CDCA5: variants seen among roughly 807,000 people sequenced by gnomAD.
CDCA5 encodes sororin.
A neutral mutation model predicts 25.7 loss-of-function variants in CDCA5; 14 were observed. That is an observed-to-expected ratio of 0.54 (90% CI 0.36 to 0.85). The LOEUF (loss-of-function observed/expected upper bound fraction) is 0.85, where lower values mean the gene tolerates loss of function less well. Ranked by LOEUF, CDCA5 falls within the 40% of genes least tolerant of loss-of-function variation. The pLI, the probability that CDCA5 is intolerant of heterozygous loss-of-function variation, is 0.01. For synonymous variants in CDCA5, 127 were observed against 128.7 expected (o/e 0.99, Z 0.09); for missense variants, 307 against 324.5 (o/e 0.95, Z 0.41).
downstream of CDCA5, among the ~76,000 whole-genome samples, chr11:65,066,032 C>T (rs1273645242): frequency 6.6e-6 from 1 of 152,152 alleles, no homozygotes; most frequent in Non-Finnish European, 1.5e-5. Flanking sequence ...GGGACTGCGG[C>T]CCCTTTCTGG....
Position 65,078,748 on chromosome 11 carries a change from A to G in CDCA5, c.*359T>C. ...CCAAGCAGCCACCCCTCCCAACAAG[A>G]GCAGAGGTGCCTCTCACCTCAACCC... On this transcript the variant is annotated 3_prime_UTR_variant, in exon 6 of 6. Transcript: ENST00000275517. The G allele has an allele frequency of 9.6e-7, 1 of 1,038,798 alleles. No individual in the cohort carries two copies. The highest frequency in any genetic ancestry group is 1.2e-6 in the Non-Finnish European group (1 of 865,336). The allele number at this position is 1,038,798 out of a possible 1,614,324, so 64.3% of individuals were successfully genotyped here. A position where few individuals can be genotyped will look rare whatever the true frequency, so the allele number is the denominator to read the frequency against.
chr11:65,077,358 G>T, downstream of CDCA5: 1 of 556,370 alleles, frequency 1.8e-6, no homozygotes, highest in Non-Finnish European at 2.3e-6. Flanking sequence ...GGCTGGGAGC[G>T]CCTGGACAAA....
chr11:65,078,439 C>T lies in CDCA5; in HGVS notation c.*668G>A, dbSNP rs1283339019. The T allele has an allele frequency of 3.0e-6, 3 of 985,538 alleles. No homozygotes were observed. The highest frequency in any genetic ancestry group is 1.2e-4 in the Admixed American group (2 of 16,264). The allele number at this position is 985,538 out of a possible 1,614,324, so 61.0% of individuals were successfully genotyped here. On this transcript the variant is annotated 3_prime_UTR_variant, in exon 6 of 6. Coordinates refer to ENST00000275517, the MANE Select transcript of CDCA5 (RefSeq NM_080668.4). ...CAAACATCTCAACAGCAGACCAGAA[C>T]TAGAAAACACAGCTTCTGTGTAGTA...
At chr11:65,064,975 C>T (rs554737332), downstream of CDCA5, among the ~76,000 whole-genome samples, 146 of 152,296 alleles carry the variant, frequency 9.6e-4, 1 homozygote, top group African/African-American at 3.3e-3. Flanking sequence ...TTACTTTGCC[C>T]AGGCCTGATC....
chr11:65,072,925 G>A (rs1343123304), downstream of CDCA5, among the ~76,000 whole-genome samples: 5 of 139,876 alleles, frequency 3.6e-5, no homozygotes, highest in South Asian at 9.4e-4. Flanking sequence ...TGCTTTACTT[G>A]TATTATTTCA....
At chr11:65,080,477 G>C (rs560034439) in intron 4 of CDCA5, among the ~76,000 whole-genome samples, 1 of 152,040 alleles carries the variant, frequency 6.6e-6, no homozygotes, top group Non-Finnish European at 1.5e-5. Context: ...GCAGTGGCAC[G>C]ATCATGGCTC....
downstream of CDCA5, among the ~76,000 whole-genome samples, chr11:65,076,553 C>T (rs924083209): frequency 6.6e-6 from 1 of 152,176 alleles, no homozygotes; most frequent in Non-Finnish European, 1.5e-5. Flanking sequence ...GACCCATCTC[C>T]TCTGGGTGGG....
chr11:65,064,787 G>A (rs1947217416), downstream of CDCA5, among the ~76,000 whole-genome samples: 1 of 152,180 alleles, frequency 6.6e-6, no homozygotes, highest in Non-Finnish European at 1.5e-5. Flanking sequence ...TTGGCAGGCT[G>A]AGGCGGGAGG....
In CDCA5 at chr11:65,079,606, A is replaced by C; in HGVS notation, c.425T>G (p.Val142Gly). The C allele has an allele frequency of 1.9e-6, 3 of 1,611,270 alleles. No individual in the cohort carries two copies. Among genetic ancestry groups the C allele is most frequent in the Non-Finnish European group, 2.5e-6 (3 of 1,178,230 alleles). Residue 142 changes from valine (V) to glycine (G), a missense_variant, in exon 5 of 6, where the codon GTC becomes GGC. Coordinates refer to ENST00000275517, the MANE Select transcript of CDCA5 (RefSeq NM_080668.4). ...CTCCAGCCGGCTGTAGGAACGCCTG[A>C]CTTTCTTAGACATTTCCAAGTCTCT... ...DARDLEMSKK[V>G]RRSYSRLETL... is the part of the protein sequence containing the mutation.
intron 4 of CDCA5, among the ~76,000 whole-genome samples, chr11:65,081,154 G>A (rs1342093469): frequency 1.3e-5 from 2 of 152,202 alleles, no homozygotes; most frequent in African/African-American, 4.8e-5. Context: ...GCCAGATATG[G>A]TGGTTCACAC....
At chr11:65,069,939 G>A (rs1367071230) in intron 1 of CDCA5, among the ~76,000 whole-genome samples, 1 of 152,258 alleles carries the variant, frequency 6.6e-6, no homozygotes, top group African/African-American at 2.4e-5. Context: ...TGACCACAGT[G>A]CGGGGGGATG....
exon 5 of CDCA5, chr11:65,066,826 T>A (rs1947247683): frequency 7.8e-7 from 1 of 1,289,356 alleles, no homozygotes; most frequent in Non-Finnish European, 1.0e-6. Context: ...GTTCTGCAGC[T>A]TCTCCCCCAG....
In CDCA5 at chr11:65,079,194, G is replaced by C; in HGVS notation, c.679-7C>G. On this transcript the variant is annotated splice_region_variant and splice_polypyrimidine_tract_variant and intron_variant, in intron 5 of 5. Coordinates refer to ENST00000275517, the MANE Select transcript of CDCA5 (RefSeq NM_080668.4). ...ACTCATCCAGCTCCGTTTTCTGAGG[G>C]AAGAGAAATGAGGAGCAGGTGAGTG... 6.5e-7 allele frequency: 1 copy of C among 1,526,738 alleles called. No individual in the cohort carries two copies. Among genetic ancestry groups the C allele is most frequent in the Non-Finnish European group, 8.8e-7 (1 of 1,137,970 alleles). The allele number at this position is 1,526,738 out of a possible 1,614,324, so 94.6% of individuals were successfully genotyped here. A position where few individuals can be genotyped will look rare whatever the true frequency, so the allele number is the denominator to read the frequency against.
rs1238860244 is a variant in CDCA5 at position 65,083,487 on chromosome 11, C to A, written c.205G>T (p.Glu69Ter). Reference sequence around the variant, plus strand: ...ACAACACTCTCCTTAGCCTTTACCTCTACAGCATGGGCCACGATCCTCTTT... The same window carrying A: ...ACAACACTCTCCTTAGCCTTTACCTATACAGCATGGGCCACGATCCTCTTT... ...VLKRIVAHAV[E>*]VPAVQSPRRS... The change falls in exon 3 of 6, where the codon GAG (glutamate) becomes TAG (stop). Residue 69 changes from glutamate (E) to a stop codon, truncating the protein, a stop_gained and splice_region_variant. Coordinates refer to ENST00000275517, the MANE Select transcript of CDCA5 (RefSeq NM_080668.4). LOFTEE classifies it high-confidence loss of function. 2 of 1,614,222 alleles carry A rather than the reference C, an allele frequency of 1.2e-6. No individual in the cohort carries two copies. The highest frequency in any genetic ancestry group is 2.2e-5 in the East Asian group (1 of 44,888).
rs925120936 is a variant in CDCA5 at position 65,077,642 on chromosome 11, G to A, written c.*1465C>T. The A allele has an allele frequency of 8.1e-6, 8 of 985,502 alleles. No individual in the cohort carries two copies. The African/African-American group carries it at 1.4e-4, about 17-fold the overall frequency. 61.0% of individuals were successfully genotyped at this position (985,502 alleles called of 1,614,324 possible). Reference sequence around the variant, plus strand: ...GAGTTCTGCTGCATCAGCCAGTGAGGACAAGAGTTCTTCAGTGCGGTTCAG... The same window carrying A: ...GAGTTCTGCTGCATCAGCCAGTGAGAACAAGAGTTCTTCAGTGCGGTTCAG... On this transcript the variant is annotated 3_prime_UTR_variant, in exon 6 of 6. Coordinates refer to ENST00000275517, the MANE Select transcript of CDCA5 (RefSeq NM_080668.4).
chr11:65,074,704 A>G (rs1290102451), downstream of CDCA5, among the ~76,000 whole-genome samples: 1 of 143,692 alleles, frequency 7.0e-6, no homozygotes, highest in Non-Finnish European at 1.5e-5. Context: ...ACAATACTGC[A>G]GTCCAGCCTG....
intron 4 of CDCA5, among the ~76,000 whole-genome samples, chr11:65,081,808 A>G (rs1486156484): frequency 2.0e-5 from 3 of 152,106 alleles, no homozygotes; most frequent in Non-Finnish European, 4.4e-5. Flanking sequence ...TCTATAAAAA[A>G]AATTAGAGAA....
Position 65,078,982 on chromosome 11 carries a change from C to G in CDCA5, c.*125G>C, listed in dbSNP as rs968604550. 7.6e-7 allele frequency: 1 copy of G among 1,318,262 alleles called. No individual in the cohort carries two copies. The highest frequency in any genetic ancestry group is 9.6e-7 in the Non-Finnish European group (1 of 1,037,162). 81.7% of individuals were successfully genotyped at this position (1,318,262 alleles called of 1,614,324 possible). On this transcript the variant is annotated 3_prime_UTR_variant, in exon 6 of 6. Transcript: ENST00000275517. ...CCCTCAAAGGCAGACAGTCCTCATG[C>G]GCAGCACCAGCACACACACAGGTAA...
exon 3 of CDCA5, chr11:65,068,114 G>A (rs1040170904): frequency 1.6e-6 from 2 of 1,289,260 alleles, no homozygotes; most frequent in East Asian, 1.1e-4. Flanking sequence ...TTCTGAGGAA[G>A]GTGGCTTTGC....
Sources: allele counts gnomAD v4.1 joint callset (sites outside exome capture counted in the v4.1 genomes callset), GRCh38; gene constraint gnomAD v4.1.1; transcripts MANE v1.5; gene names NCBI Gene and HGNC (gene_info 2026-07-23, HGNC 2026-07-21).